The following DLG1 variants were observed in gnomAD, a reference collection of about 807,000 sequenced individuals.
DLG1 encodes disks large homolog 1.
A neutral mutation model predicts 123.4 loss-of-function variants in DLG1; 42 were observed. The observed-to-expected ratio is 0.34, with a 90% CI of 0.27 to 0.44. The LOEUF (loss-of-function observed/expected upper bound fraction) is 0.44. DLG1 is among the 20% of genes least tolerant of loss of function. The probability of loss-of-function intolerance (pLI) is 1.00; values close to 1 mark genes in which losing one functional copy is unlikely to be tolerated. For missense variants in DLG1, 942 were observed against 1,082.6 expected (o/e 0.87, Z 1.82); for synonymous variants, 317 against 356.2 (o/e 0.89, Z 1.24).
At chr3:197,222,296 T>C (rs1417558954) in intron 4 of DLG1, among the ~76,000 whole-genome samples, 1 of 152,164 alleles carries the variant, frequency 6.6e-6, no homozygotes, top group Non-Finnish European at 1.5e-5. Flanking sequence ...TTCCCCGTCT[T>C]TATGACTAGA....
intron 4 of DLG1, among the ~76,000 whole-genome samples, chr3:197,212,971 T>C (rs529683984): frequency 2.0e-5 from 3 of 152,100 alleles, no homozygotes; most frequent in Non-Finnish European, 2.9e-5. Context: ...AAGACAAGCA[T>C]TGGTGAAAAT....
chr3:197,103,441 A>G (rs1187160891), intron 14 of DLG1, among the ~76,000 whole-genome samples: 1 of 152,152 alleles, frequency 6.6e-6, no homozygotes, highest in African/African-American at 2.4e-5. Flanking sequence ...CGGCTTCCAT[A>G]TAGTGTACCT....
intron 11 of DLG1, among the ~76,000 whole-genome samples, chr3:197,126,432 A>C (rs1042481244): frequency 2.0e-5 from 3 of 151,882 alleles, no homozygotes; most frequent in Non-Finnish European, 4.4e-5. Flanking sequence ...ACGCCACTGC[A>C]CTCCAGCCTG....
At chr3:197,278,738 TAA>T (rs553884626) in intron 4 of DLG1, among the ~76,000 whole-genome samples, 5 of 143,276 alleles carry the variant, frequency 3.5e-5, no homozygotes, top group Middle Eastern at 3.6e-3. Flanking sequence ...TCAGTGAACT[TAA>T]AAAAAAAAAA....
intron 4 of DLG1, among the ~76,000 whole-genome samples, chr3:197,227,527 A>T (rs1475447393): frequency 3.3e-5 from 5 of 152,168 alleles, no homozygotes; most frequent in Non-Finnish European, 7.4e-5. Flanking sequence ...TTACAAAACT[A>T]AAATTATCAA....
chr3:197,215,323 G>C (rs1733550335), intron 4 of DLG1, among the ~76,000 whole-genome samples: 1 of 151,966 alleles, frequency 6.6e-6, no homozygotes, highest in Non-Finnish European at 1.5e-5. Context: ...AATGTGACTG[G>C]GATAATTGAG....
chr3:197,159,327 G>C (rs1797837182), intron 5 of DLG1, among the ~76,000 whole-genome samples: 1 of 152,150 alleles, frequency 6.6e-6, no homozygotes, highest in South Asian at 2.1e-4. Flanking sequence ...TACAAATCAT[G>C]AAAGACTATA....
At chr3:197,115,625 AG>A (rs1772831468) in intron 13 of DLG1, among the ~76,000 whole-genome samples, 1 of 152,230 alleles carries the variant, frequency 6.6e-6, no homozygotes, top group African/African-American at 2.4e-5. Flanking sequence ...AACAGATTAA[AG>A]TATAAAGAAG....
intron 19 of DLG1, chr3:197,068,445 A>G: frequency 1.7e-6 from 2 of 1,156,612 alleles, no homozygotes; most frequent in Admixed American, 2.0e-5. Context: ...AATGACGGTT[A>G]AAAGTATATA....
intron 11 of DLG1, among the ~76,000 whole-genome samples, chr3:197,123,811 G>A (rs1466384786): frequency 6.6e-6 from 1 of 152,112 alleles, no homozygotes; most frequent in African/African-American, 2.4e-5. Context: ...GATCAGAACT[G>A]TAAGTGACTC....
At chr3:197,277,106 G>A (rs1766818978) in intron 4 of DLG1, among the ~76,000 whole-genome samples, 1 of 151,716 alleles carries the variant, frequency 6.6e-6, no homozygotes. Context: ...TTCCCAGGCT[G>A]GTTTCGAACT....
chr3:197,081,090 T>C lies in DLG1; in HGVS notation c.1866A>G (p.Leu622=). 1 of 1,613,506 alleles carries C rather than the reference T, an allele frequency of 6.2e-7. No individual in the cohort carries two copies. Among genetic ancestry groups the C allele is most frequent in the African/African-American group, 1.3e-5 (1 of 75,056 alleles). The change falls in exon 17 of 25, where the codon TTA becomes TTG. Residue 622 remains leucine, a synonymous_variant. Transcript: ENST00000667157. ...RRVEKKERAR[L]KTVKFNSKTR... ...TTTTAGAATTGAATTTCACTGTTTT[T>C]AATCGGGCTCGTTCTTTCTTCTCAA...
At position 197,297,989 on chromosome 3, in the gene DLG1, T is replaced by C. The variant is rs528917526; in HGVS notation, c.-32+547A>G. On this transcript the variant is annotated intron_variant, in intron 1 of 24. Transcript: ENST00000667157. ...CACCCCCGCGGCCTCGTCCTCCTTC[T>C]CGGCCGCGCCGCCTCCTCGCTCGCC... The C allele has an allele frequency of 5.3e-6, 5 of 935,494 alleles. No individual in the cohort carries two copies. The East Asian group carries it at 5.9e-4, about 110-fold the overall frequency. The allele number at this position is 935,494 out of a possible 1,614,324, so 57.9% of individuals were successfully genotyped here. A position where few individuals can be genotyped will look rare whatever the true frequency, so the allele number is the denominator to read the frequency against.
chr3:197,065,910 A>G, intron 20 of DLG1, 101 bp from the exon 21 acceptor site: 1 of 707,586 alleles, frequency 1.4e-6, no homozygotes, highest in Non-Finnish European at 2.3e-6. Context: ...GTTATGACTA[A>G]TTTTTTTCTT....
At chr3:197,049,345 C>A (rs2148680942) in intron 24 of DLG1, among the ~76,000 whole-genome samples, 1 of 152,180 alleles carries the variant, frequency 6.6e-6, no homozygotes, top group African/African-American at 2.4e-5. Flanking sequence ...AAAAAGCCAA[C>A]AACAACAAAA....
rs1209872815 is a variant in DLG1, at chr3:197,042,712, AAC to A, written c.*1909_*1910del. 7 of 152,328 alleles carry A rather than the reference AAC, an allele frequency of 4.6e-5. No individual in the cohort carries two copies. In the East Asian group the frequency reaches 1.2e-3, roughly 25 times the overall value. The allele number at this position is 152,328 out of a possible 1,614,324, so 9.4% of individuals were successfully genotyped here. A position where few individuals can be genotyped will look rare whatever the true frequency, so the allele number is the denominator to read the frequency against. On this transcript the variant is annotated 3_prime_UTR_variant, in exon 25 of 25. Coordinates refer to ENST00000667157, the MANE Select transcript of DLG1 (RefSeq NM_001366207.1). The stretch of plus-strand genomic sequence containing the variant: ...GTTTCTGAAGCTCTTGAGATTTTAC[AAC>A]AGTTTTCTTCATACTAGTGTGTTTC...
At chr3:197,207,165 GCTCTTTA>G (rs1271857629) in intron 4 of DLG1, among the ~76,000 whole-genome samples, 2 of 152,132 alleles carry the variant, frequency 1.3e-5, no homozygotes, top group African/African-American at 4.8e-5. Flanking sequence ...TTTGCTCTTT[GCTCTTTA>G]CGCAAAGTTT....
chr3:197,267,278 A>T (rs559240087), intron 4 of DLG1, among the ~76,000 whole-genome samples: 1 of 152,250 alleles, frequency 6.6e-6, no homozygotes, highest in Non-Finnish European at 1.5e-5. Context: ...TTTCAAAAGC[A>T]GAGTAGAGAG....
At chr3:197,094,367 T>C (rs747278716) in intron 14 of DLG1, among the ~76,000 whole-genome samples, 2 of 152,234 alleles carry the variant, frequency 1.3e-5, no homozygotes, top group Non-Finnish European at 2.9e-5. Context: ...TTTAAGTGTG[T>C]GTGTAACAAT....
Sources: gnomAD v4.1 joint callset for allele counts (sites outside exome capture counted in the v4.1 genomes callset) on GRCh38, gnomAD v4.1.1 for gene constraint, MANE v1.5 for transcripts, NCBI Gene and HGNC (gene_info 2026-07-23, HGNC 2026-07-21) for gene names.